The following DLG2 variants were observed in gnomAD, a reference collection of about 807,000 sequenced individuals.
DLG2 encodes disks large homolog 2.
Under a neutral mutation model 132.5 loss-of-function variants are expected in DLG2, and 45 were observed. That is an observed-to-expected ratio of 0.34 (90% confidence interval 0.27 to 0.44). The LOEUF is 0.44. Among genes scored for constraint, DLG2 ranks in the 20% least tolerant of loss-of-function variants. DLG2 has a pLI of 1.00. For synonymous variants in DLG2, 424 were observed against 419.6 expected (o/e 1.01, Z -0.13); for missense variants, 1,045 against 1,196.9 (o/e 0.87, Z 1.87).
At chr11:84,532,117 A>ATTTTTTTT (rs67139617) in intron 7 of DLG2, among the ~76,000 whole-genome samples, 174 of 104,470 alleles carry the variant, frequency 1.7e-3, no homozygotes, top group East Asian at 2.2e-3. Context: ...TGTTCTGTTC[A>ATTTTTTTT]TTTTTTTTTT....
intron 9 of DLG2, among the ~76,000 whole-genome samples, chr11:84,130,528 A>G (rs12801265): frequency 0.7 from 95,689 of 135,872 alleles, 32,300 homozygotes; most frequent in Middle Eastern, 0.8. Context: ...ACACACATAT[A>G]TGTGTGTGTG....
chr11:85,524,725 C>T (rs889982455), intron 3 of DLG2, among the ~76,000 whole-genome samples: 37 of 152,170 alleles, frequency 2.4e-4, no homozygotes, highest in Admixed American at 2.4e-3. Flanking sequence ...AGCTCCTGGA[C>T]TCAAGCTGTC....
chr11:84,469,277 T>A (rs1393720827), intron 7 of DLG2, among the ~76,000 whole-genome samples: 1 of 151,604 alleles, frequency 6.6e-6, no homozygotes, highest in African/African-American at 2.4e-5. Flanking sequence ...AAGTTGACTA[T>A]AAGTCACTAT....
intron 8 of DLG2, among the ~76,000 whole-genome samples, chr11:84,200,220 T>A (rs2096574372): frequency 6.6e-6 from 1 of 152,056 alleles, no homozygotes; most frequent in African/African-American, 2.4e-5. Context: ...ATGTAGTCAA[T>A]AAGTAATTTT....
intron 10 of DLG2, among the ~76,000 whole-genome samples, chr11:84,076,056 A>T (rs1054435783): frequency 6.6e-6 from 1 of 152,250 alleles, no homozygotes; most frequent in Non-Finnish European, 1.5e-5. Context: ...CTTGCTTTCC[A>T]GAAACCTGGT....
intron 6 of DLG2, among the ~76,000 whole-genome samples, chr11:84,631,276 A>G (rs1443633389): frequency 6.6e-6 from 1 of 151,980 alleles, no homozygotes; most frequent in African/African-American, 2.4e-5. Context: ...AAAAAAATCT[A>G]ATCCATTAAG....
chr11:83,885,611 C>A (rs868207777), intron 15 of DLG2, among the ~76,000 whole-genome samples: 1 of 152,096 alleles, frequency 6.6e-6, no homozygotes, highest in African/African-American at 2.4e-5. Context: ...CACAAAGATA[C>A]TCCTTGAGAA....
chr11:84,800,712 T>C (rs1436116284), intron 6 of DLG2: 2 of 152,216 alleles, frequency 1.3e-5, no homozygotes, highest in African/African-American at 4.8e-5. Context: ...GCTGTTTGTC[T>C]AATTTATGGT....
intron 5 of DLG2, among the ~76,000 whole-genome samples, chr11:85,115,570 A>C (rs2073446194): frequency 6.6e-6 from 1 of 152,016 alleles, no homozygotes; most frequent in Non-Finnish European, 1.5e-5. Flanking sequence ...CAGGAGTAAG[A>C]AATGAACAAG....
chr11:84,436,289 T>G (rs935403313), intron 7 of DLG2, among the ~76,000 whole-genome samples: 1 of 152,196 alleles, frequency 6.6e-6, no homozygotes, highest in South Asian at 2.1e-4. Flanking sequence ...AGTGATATTT[T>G]CTCTTCTAAA....
chr11:83,784,617 A>C (rs1456463342), intron 18 of DLG2, among the ~76,000 whole-genome samples: 1 of 152,244 alleles, frequency 6.6e-6, no homozygotes, highest in African/African-American at 2.4e-5. Context: ...ATCTTGATAA[A>C]CTACAGCATA....
chr11:84,834,630 G>C (rs2079474422), intron 6 of DLG2, among the ~76,000 whole-genome samples: 1 of 151,568 alleles, frequency 6.6e-6, no homozygotes, highest in South Asian at 2.1e-4. Flanking sequence ...AAGAGAAGCA[G>C]GGGGTTAGGA....
At chr11:83,586,810 G>T (rs1439035292) in intron 19 of DLG2, among the ~76,000 whole-genome samples, 3 of 152,178 alleles carry the variant, frequency 2.0e-5, no homozygotes, top group Admixed American at 6.5e-5. Context: ...CAACATCAGG[G>T]AACCTAGCAC....
chr11:85,571,431 C>A (rs1475139679), intron 3 of DLG2, among the ~76,000 whole-genome samples: 1 of 152,090 alleles, frequency 6.6e-6, no homozygotes, highest in African/African-American at 2.4e-5. Context: ...CCATTAGAAA[C>A]CACAAATCCT....
chr11:85,583,126 G>GTA (rs1163054982), intron 3 of DLG2, among the ~76,000 whole-genome samples: 25 of 34,290 alleles, frequency 7.3e-4, no homozygotes, highest in East Asian at 2.5e-3. Flanking sequence ...GTGTGTGTGT[G>GTA]TGTGTATATA....
chr11:83,741,516 T>C (rs1340959667), intron 18 of DLG2, among the ~76,000 whole-genome samples: 1 of 152,046 alleles, frequency 6.6e-6, no homozygotes, highest in African/African-American at 2.4e-5. Flanking sequence ...AACAACATCA[T>C]GGCTAACAGT....
intron 11 of DLG2, among the ~76,000 whole-genome samples, chr11:84,006,081 A>C (rs1672158085): frequency 6.6e-6 from 1 of 151,860 alleles, no homozygotes. Context: ...CAATCTAAGT[A>C]TCCATCAATG....
intron 6 of DLG2, among the ~76,000 whole-genome samples, chr11:84,843,124 C>T (rs565403187): frequency 1.3e-5 from 2 of 151,974 alleles, no homozygotes; most frequent in South Asian, 4.2e-4. Context: ...GAAGATACAT[C>T]TTTAAAAGAG....
intron 21 of DLG2, among the ~76,000 whole-genome samples, chr11:83,495,432 G>GTACTC (rs932395705): frequency 6.6e-6 from 1 of 152,066 alleles, no homozygotes; most frequent in African/African-American, 2.4e-5. Context: ...TCCTGCTGAA[G>GTACTC]TACTCTATCT....
Sources: allele counts gnomAD v4.1 joint callset (sites outside exome capture counted in the v4.1 genomes callset), GRCh38; gene constraint gnomAD v4.1.1; transcripts MANE v1.5; gene names NCBI Gene and HGNC (gene_info 2026-07-23, HGNC 2026-07-21).